The following ZFHX3 variants were observed in gnomAD, a reference collection of about 807,000 sequenced individuals.
ZFHX3 encodes the protein zinc finger homeobox 3, also known as zinc finger homeobox protein 3.
In ZFHX3, 42 loss-of-function variants were observed where a neutral mutation model predicts 279.1. The observed-to-expected ratio is 0.15, with a 90% confidence interval of 0.12 to 0.19. The LOEUF is 0.19. Ranked by LOEUF, ZFHX3 falls within the 10% of genes least tolerant of loss-of-function variation. The pLI, the probability that ZFHX3 is intolerant of heterozygous loss-of-function variation, is 1.00. For synonymous variants in ZFHX3, 2,293 were observed against 1,957.8 expected (o/e 1.17, Z -4.52); for missense variants, 4,981 against 4,754.0 (o/e 1.05, Z -1.40).
intron 5 of ZFHX3, among the ~76,000 whole-genome samples, chr16:73,182,488 T>G (rs1271033867): frequency 6.6e-6 from 1 of 151,530 alleles, no homozygotes; most frequent in Non-Finnish European, 1.5e-5. Context: ...TATGGAGATC[T>G]CAAATAACTA....
intron 2 of ZFHX3, among the ~76,000 whole-genome samples, chr16:73,587,409 T>C (rs927329848): frequency 1.3e-5 from 2 of 152,218 alleles, no homozygotes; most frequent in Admixed American, 6.5e-5. Flanking sequence ...GGTTAGATGT[T>C]GATGAAGCTG....
chr16:73,889,681 C>A (rs919176333), intron 1 of ZFHX3, among the ~76,000 whole-genome samples: 1 of 152,100 alleles, frequency 6.6e-6, no homozygotes, highest in Non-Finnish European at 1.5e-5. Context: ...CACTGCCTAC[C>A]GGACCCCAGT....
chr16:73,561,989 G>A (rs939890680), intron 2 of ZFHX3, among the ~76,000 whole-genome samples: 3 of 152,088 alleles, frequency 2.0e-5, no homozygotes, highest in Non-Finnish European at 4.4e-5. Context: ...AATAGATTTT[G>A]TTTAAAATAA....
intron 4 of ZFHX3, among the ~76,000 whole-genome samples, chr16:73,298,452 G>A (rs1040766974): frequency 6.6e-6 from 1 of 151,576 alleles, no homozygotes; most frequent in South Asian, 2.1e-4. Flanking sequence ...CCAAAGTACT[G>A]GGATTACAGG....
chr16:73,322,882 G>A (rs972274001), intron 3 of ZFHX3, among the ~76,000 whole-genome samples: 1 of 152,224 alleles, frequency 6.6e-6, no homozygotes, highest in African/African-American at 2.4e-5. Context: ...GCAAACTGCA[G>A]CCTGGATAGG....
At chr16:73,807,351 G>A (rs1960305410) in intron 1 of ZFHX3, among the ~76,000 whole-genome samples, 1 of 151,330 alleles carries the variant, frequency 6.6e-6, no homozygotes, top group Non-Finnish European at 1.5e-5. Context: ...TTTTTTTTCA[G>A]CCCAAGAGCA....
At chr16:73,526,871 C>T (rs1044709800) in intron 2 of ZFHX3, among the ~76,000 whole-genome samples, 2 of 151,716 alleles carry the variant, frequency 1.3e-5, no homozygotes, top group African/African-American at 4.8e-5. Context: ...TAAACATACC[C>T]TCTACTTCTT....
At chr16:72,977,957 C>G (rs1962424557) in intron 1 of ZFHX3, among the ~76,000 whole-genome samples, 1 of 152,046 alleles carries the variant, frequency 6.6e-6, no homozygotes. Flanking sequence ...CTCCGCCTCC[C>G]AGGTTCAAGC....
chr16:73,022,404 A>G (rs1024858213), intron 1 of ZFHX3, among the ~76,000 whole-genome samples: 5 of 152,168 alleles, frequency 3.3e-5, no homozygotes, highest in Non-Finnish European at 5.9e-5. Flanking sequence ...CAGCAGAACA[A>G]GAAGAATACG....
At chr16:72,996,493 A>G (rs1174487548) in intron 1 of ZFHX3, among the ~76,000 whole-genome samples, 85 of 152,364 alleles carry the variant, frequency 5.6e-4, no homozygotes, top group Non-Finnish European at 2.9e-5. Context: ...GCTAGAATCT[A>G]TAACCCATGC....
intron 1 of ZFHX3, among the ~76,000 whole-genome samples, chr16:72,967,521 G>A (rs1297325037): frequency 6.6e-6 from 1 of 151,976 alleles, no homozygotes; most frequent in Non-Finnish European, 1.5e-5. Context: ...AATAAACGTA[G>A]AAAAAGAGTA....
At chr16:73,662,092 G>T (rs577382349) in intron 2 of ZFHX3, among the ~76,000 whole-genome samples, 6 of 151,494 alleles carry the variant, frequency 4.0e-5, no homozygotes, top group Non-Finnish European at 4.4e-5. Context: ...GCTGTGGCAG[G>T]TGACAGCTGA....
At chr16:73,837,759 G>A (rs1261908841) in intron 1 of ZFHX3, among the ~76,000 whole-genome samples, 2 of 152,114 alleles carry the variant, frequency 1.3e-5, no homozygotes, top group African/African-American at 4.8e-5. Flanking sequence ...GCCTCAGCCT[G>A]ATGAGTAGCT....
At position 73,718,618 on chromosome 16, in the gene ZFHX3, AT is replaced by A. The variant is rs886685006; in HGVS notation, c.-1607-38379del. Reference sequence around the variant, plus strand: ...TTATGTATTTATTTATTTATTATTTATTTATTTATTTTTTTAAGACAGAGTC... The same window carrying A: ...TTATGTATTTATTTATTTATTATTTATTATTTATTTTTTTAAGACAGAGTC... On this transcript the variant is annotated intron_variant, in intron 1 of 17. Transcript: ENST00000641206. 3.3e-3 allele frequency among the ~76,000 whole-genome samples: 165 copies of A among 49,352 alleles called. 1 individual carries two copies. The highest frequency in any genetic ancestry group is 4.8e-3 in the African/African-American group (132 of 27,462). 32.4% of individuals were successfully genotyped at this position (49,352 alleles called of 152,430 possible).
intron 1 of ZFHX3, among the ~76,000 whole-genome samples, chr16:73,820,210 C>T (rs1960695731): frequency 6.6e-6 from 1 of 152,182 alleles, no homozygotes; most frequent in Admixed American, 6.5e-5. Flanking sequence ...CTGCCTCAGC[C>T]TCCCGAGTAG....
chr16:73,201,314 A>G (rs1968264115), intron 5 of ZFHX3, among the ~76,000 whole-genome samples: 2 of 152,210 alleles, frequency 1.3e-5, no homozygotes, highest in African/African-American at 4.8e-5. Context: ...ACAGAACCAA[A>G]GTAGGTGTGG....
At chr16:73,151,127 C>G in intron 5 of ZFHX3, among the ~76,000 whole-genome samples, 1 of 152,162 alleles carries the variant, frequency 6.6e-6, no homozygotes, top group East Asian at 1.9e-4. Context: ...GTCCACAACA[C>G]AAAAATTCAT....
chr16:73,613,138 A>T (rs769128397), intron 2 of ZFHX3, among the ~76,000 whole-genome samples: 3 of 152,180 alleles, frequency 2.0e-5, no homozygotes, highest in Non-Finnish European at 4.4e-5. Flanking sequence ...ATTTTAGAAG[A>T]TTAATATTGG....
intron 2 of ZFHX3, among the ~76,000 whole-genome samples, chr16:73,677,959 T>C (rs2052971554): frequency 6.6e-6 from 1 of 152,060 alleles, no homozygotes; most frequent in Non-Finnish European, 1.5e-5. Flanking sequence ...TGACTCAATA[T>C]TACACAGATA....
Sources: gnomAD v4.1 joint callset for allele counts (sites outside exome capture counted in the v4.1 genomes callset) on GRCh38, gnomAD v4.1.1 for gene constraint, MANE v1.5 for transcripts, NCBI Gene and HGNC (gene_info 2026-07-23, HGNC 2026-07-21) for gene names.